The following DPP10 variants were observed in gnomAD, a reference collection of about 807,000 sequenced individuals.
The protein encoded by DPP10 is dipeptidyl peptidase like 10.
In DPP10, 33 loss-of-function variants were observed where a neutral mutation model predicts 120.9. The ratio of observed to expected loss-of-function variants is 0.27; its 90% confidence interval spans 0.21 to 0.37. DPP10 has a LOEUF of 0.37. Ranked by LOEUF, DPP10 falls within the 10% of genes least tolerant of loss-of-function variation. The probability of loss-of-function intolerance (pLI) is 1.00; values close to 1 mark genes in which losing one functional copy is unlikely to be tolerated. For missense variants in DPP10, 816 were observed against 942.8 expected (o/e 0.87, Z 1.76); for synonymous variants, 337 against 326.1 (o/e 1.03, Z -0.36).
intron 5 of DPP10, among the ~76,000 whole-genome samples, chr2:115,545,116 T>C (rs2079420176): frequency 6.6e-6 from 1 of 152,054 alleles, no homozygotes; most frequent in Admixed American, 6.6e-5. Context: ...CTAGATGATA[T>C]GTTTCCAAAT....
At chr2:114,700,944 T>C (rs1700350546) in intron 1 of DPP10, among the ~76,000 whole-genome samples, 1 of 152,040 alleles carries the variant, frequency 6.6e-6, no homozygotes, top group Non-Finnish European at 1.5e-5. Flanking sequence ...CACACAACCA[T>C]TGATAGGTGT....
intron 1 of DPP10, among the ~76,000 whole-genome samples, chr2:115,105,458 GAGA>G (rs1381838804): frequency 6.4e-4 from 86 of 134,712 alleles, no homozygotes; most frequent in African/African-American, 2.0e-3. Flanking sequence ...AGAGAGAGAG[GAGA>G]AGCAGGACTG....
At chr2:115,447,285 T>G (rs2072693395) in intron 3 of DPP10, among the ~76,000 whole-genome samples, 1 of 152,206 alleles carries the variant, frequency 6.6e-6, no homozygotes, top group Admixed American at 6.5e-5. Flanking sequence ...CCATTGTATC[T>G]TGGAAGTAAC....
chr2:114,519,376 T>G (rs1017774830), intron 1 of DPP10, among the ~76,000 whole-genome samples: 1 of 152,244 alleles, frequency 6.6e-6, no homozygotes, highest in African/African-American at 2.4e-5. Flanking sequence ...TTATCAGTGT[T>G]GGTTATTTGG....
At chr2:114,737,358 C>G (rs1378320956) in intron 1 of DPP10, among the ~76,000 whole-genome samples, 5 of 152,148 alleles carry the variant, frequency 3.3e-5, no homozygotes, top group Admixed American at 1.3e-4. Flanking sequence ...AGTCTGGTCC[C>G]AGAAGACATC....
At chr2:115,807,849 AAC>A (rs934177965) in intron 19 of DPP10, among the ~76,000 whole-genome samples, 2 of 152,158 alleles carry the variant, frequency 1.3e-5, no homozygotes. Context: ...ATTCTTTAAA[AAC>A]ACGAAAAATT....
At chr2:114,644,521 G>C (rs1050169317) in intron 1 of DPP10, among the ~76,000 whole-genome samples, 5 of 151,716 alleles carry the variant, frequency 3.3e-5, no homozygotes, top group African/African-American at 1.2e-4. Flanking sequence ...GACTCTCATT[G>C]CTGATGGTCT....
intron 3 of DPP10, among the ~76,000 whole-genome samples, chr2:115,433,614 ACT>A (rs1395839517): frequency 1.1e-4 from 16 of 151,840 alleles, no homozygotes; most frequent in Admixed American, 3.3e-4. Flanking sequence ...AATGTTTAAC[ACT>A]CTCTTGATTT....
chr2:115,242,598 A>T (rs890437674), intron 1 of DPP10, among the ~76,000 whole-genome samples: 2 of 151,156 alleles, frequency 1.3e-5, no homozygotes, highest in Non-Finnish European at 2.9e-5. Flanking sequence ...TGTTTTCCAT[A>T]GTGGTTGTGC....
chr2:114,476,519 C>CA (rs1680384585), intron 1 of DPP10, among the ~76,000 whole-genome samples: 2 of 152,042 alleles, frequency 1.3e-5, no homozygotes, highest in African/African-American at 2.4e-5. Context: ...AAAAAAGAAA[C>CA]AAAAAAATAT....
intron 1 of DPP10, among the ~76,000 whole-genome samples, chr2:115,169,586 A>G (rs1259343322): frequency 2.0e-5 from 3 of 152,136 alleles, no homozygotes; most frequent in African/African-American, 7.2e-5. Flanking sequence ...CAAAAGACTT[A>G]GAGTCTTGTT....
chr2:115,332,587 C>T (rs2062821549), intron 2 of DPP10, among the ~76,000 whole-genome samples: 2 of 152,128 alleles, frequency 1.3e-5, no homozygotes, highest in Admixed American at 6.6e-5. Flanking sequence ...CCGCTACACA[C>T]TGCTTTAAAT....
At chr2:114,515,425 A>G (rs1273945924) in intron 1 of DPP10, among the ~76,000 whole-genome samples, 1 of 152,204 alleles carries the variant, frequency 6.6e-6, no homozygotes, top group Non-Finnish European at 1.5e-5. Flanking sequence ...GAAAGACATG[A>G]AGCTTACTGA....
intron 1 of DPP10, among the ~76,000 whole-genome samples, chr2:114,788,396 C>T (rs1682945228): frequency 1.3e-5 from 2 of 150,888 alleles, no homozygotes; most frequent in African/African-American, 4.9e-5. Context: ...TGAATTATTG[C>T]ACATGGAAAA....
intron 1 of DPP10, among the ~76,000 whole-genome samples, chr2:114,659,319 T>C (rs1697212734): frequency 7.1e-6 from 1 of 140,400 alleles, no homozygotes; most frequent in African/African-American, 3.0e-5. Context: ...TAAAATTCCA[T>C]AGCAAGCAAT....
At chr2:115,163,092 C>T (rs1472877533) in intron 1 of DPP10, among the ~76,000 whole-genome samples, 2 of 152,130 alleles carry the variant, frequency 1.3e-5, no homozygotes, top group African/African-American at 4.8e-5. Flanking sequence ...GAGTGCGCTG[C>T]GAAGGCTGCT....
At chr2:115,557,725 G>A (rs2080304202) in intron 5 of DPP10, among the ~76,000 whole-genome samples, 1 of 152,114 alleles carries the variant, frequency 6.6e-6, no homozygotes, top group South Asian at 2.1e-4. Flanking sequence ...AAGGCTTTTG[G>A]TAAAGAAAGA....
At position 115,610,913 on chromosome 2, in the gene DPP10, C is replaced by T. The variant is rs573179386; in HGVS notation, c.442-78774C>T. ...TTTAGAAATAACCCTTCTTAGTAGACCATTGATATTCTTCGGCATTTCAGG... is the reference window on the plus strand; with the variant it reads ...TTTAGAAATAACCCTTCTTAGTAGATCATTGATATTCTTCGGCATTTCAGG... On this transcript the variant is annotated intron_variant, in intron 5 of 25. Coordinates refer to ENST00000410059, the MANE Select transcript of DPP10 (RefSeq NM_020868.6). 2.0e-4 allele frequency among the ~76,000 whole-genome samples: 31 copies of T among 152,198 alleles called. 1 individual carries two copies. The South Asian group carries it at 6.4e-3, about 32-fold the overall frequency.
chr2:115,229,856 TTTTC>T (rs1253279614), intron 1 of DPP10, among the ~76,000 whole-genome samples: 1 of 151,140 alleles, frequency 6.6e-6, no homozygotes, highest in Non-Finnish European at 1.5e-5. Flanking sequence ...TTTTCTTTTC[TTTTC>T]TTTCTTTTTT....
Sources: allele counts gnomAD v4.1 joint callset (sites outside exome capture counted in the v4.1 genomes callset), GRCh38; gene constraint gnomAD v4.1.1; transcripts MANE v1.5; gene names NCBI Gene and HGNC (gene_info 2026-07-23, HGNC 2026-07-21).